BNC2: variants seen among roughly 807,000 people sequenced by gnomAD.
BNC2 encodes basonuclin zinc finger protein 2.
BNC2 carries 20 observed loss-of-function variants against 76.3 expected under a neutral mutation model. The observed-to-expected ratio is 0.26, with a 90% CI of 0.18 to 0.38. The LOEUF (loss-of-function observed/expected upper bound fraction) is 0.38, where lower values mean the gene tolerates loss of function less well. Among genes scored for constraint, BNC2 ranks in the 10% least tolerant of loss-of-function variants. BNC2 has a pLI of 1.00. For synonymous variants in BNC2, 582 were observed against 514.8 expected, an observed-to-expected ratio of 1.13 and a Z score of -1.77; for missense variants, 1,382 against 1,399.8, an observed-to-expected ratio of 0.99 and a Z score of 0.20.
intron 1 of BNC2, among the ~76,000 whole-genome samples, chr9:16,783,290 T>C (rs1826202057): frequency 1.3e-5 from 2 of 152,166 alleles, no homozygotes; most frequent in African/African-American, 2.4e-5. Flanking sequence ...CTGCTCACCA[T>C]AAATCTTAAC....
At chr9:16,625,199 A>T (rs1456168215) in intron 3 of BNC2, among the ~76,000 whole-genome samples, 1 of 152,234 alleles carries the variant, frequency 6.6e-6, no homozygotes, top group Non-Finnish European at 1.5e-5. Context: ...AACAAAAAAA[A>T]TGCTGTGCTT....
chr9:16,620,291 C>T (rs1295356780), intron 3 of BNC2, among the ~76,000 whole-genome samples: 2 of 152,164 alleles, frequency 1.3e-5, no homozygotes, highest in Non-Finnish European at 2.9e-5. Flanking sequence ...AAATATGACC[C>T]TTAAAACTGG....
chr9:16,710,180 C>G (rs182909640), intron 3 of BNC2, among the ~76,000 whole-genome samples: 1 of 152,120 alleles, frequency 6.6e-6, no homozygotes, highest in East Asian at 1.9e-4. Context: ...CCTCCTACAC[C>G]TGGGCACAAA....
intron 3 of BNC2, among the ~76,000 whole-genome samples, chr9:16,724,511 C>G (rs931973960): frequency 2.6e-5 from 4 of 151,952 alleles, no homozygotes; most frequent in African/African-American, 9.7e-5. Context: ...CAGCTATATA[C>G]ATAGAAATAA....
intron 6 of BNC2, chr9:16,431,404 A>C (rs1820905378): frequency 2.2e-6 from 1 of 457,460 alleles, no homozygotes; most frequent in Non-Finnish European, 4.6e-6. Context: ...TACACCCACC[A>C]GCTAATTCTG....
chr9:16,603,210 A>G, intron 3 of BNC2, among the ~76,000 whole-genome samples: 1 of 152,188 alleles, frequency 6.6e-6, no homozygotes, highest in Non-Finnish European at 1.5e-5. Context: ...AAATGTTCAC[A>G]CACTAGCAGA....
intron 1 of BNC2, among the ~76,000 whole-genome samples, chr9:16,776,167 T>C (rs1825961380): frequency 6.6e-6 from 1 of 151,618 alleles, no homozygotes; most frequent in South Asian, 2.1e-4. Context: ...AAGAGGGAGT[T>C]TCGCTCTTGT....
chr9:16,519,369 G>C lies in BNC2; in HGVS notation c.669+33161C>G, dbSNP rs7028335. 4.9e-3 allele frequency among the ~76,000 whole-genome samples: 750 copies of C among 152,350 alleles called. 1 individual carries two copies. Among genetic ancestry groups the C allele is most frequent in the African/African-American group, 0.017 (693 of 41,572 alleles). On this transcript the variant is annotated intron_variant, in intron 5 of 6. Transcript: ENST00000380672. The stretch of plus-strand genomic sequence containing the variant: ...AAAATTCTAACGTAAAGTCCCAAAA[G>C]ATAGGAATTGGAGCTTTTATCTCAA...
At chr9:16,513,004 G>T (rs10119184) in intron 5 of BNC2, among the ~76,000 whole-genome samples, 1 of 151,702 alleles carries the variant, frequency 6.6e-6, no homozygotes, top group East Asian at 2.0e-4. Context: ...GTATTTTGGC[G>T]CATGTTTGTA....
At chr9:16,805,240 C>G (rs1001822584) in intron 1 of BNC2, among the ~76,000 whole-genome samples, 1 of 152,178 alleles carries the variant, frequency 6.6e-6, no homozygotes, top group Admixed American at 6.5e-5. Flanking sequence ...TGCAAGGCTA[C>G]ATAAGCACAG....
At chr9:16,460,946 C>A (rs1256786950) in intron 5 of BNC2, among the ~76,000 whole-genome samples, 1 of 151,710 alleles carries the variant, frequency 6.6e-6, no homozygotes, top group Non-Finnish European at 1.5e-5. Flanking sequence ...AATCTTGATC[C>A]TACATCTAGA....
At chr9:16,779,301 C>CAAAA (rs71327858) in intron 1 of BNC2, among the ~76,000 whole-genome samples, 57 of 105,226 alleles carry the variant, frequency 5.4e-4, no homozygotes, top group African/African-American at 1.8e-3. Flanking sequence ...GACCCTCTCT[C>CAAAA]AAAAAAAAAA....
At chr9:16,640,816 C>A (rs1187838075) in intron 3 of BNC2, among the ~76,000 whole-genome samples, 1 of 152,110 alleles carries the variant, frequency 6.6e-6, no homozygotes, top group African/African-American at 2.4e-5. Flanking sequence ...CAGCTGCAAC[C>A]AAGACCTGGC....
chr9:16,612,384 C>T (rs7854979), intron 3 of BNC2, among the ~76,000 whole-genome samples: 131,509 of 152,206 alleles, frequency 0.86, 57,988 homozygotes, highest in East Asian at 0.98. Flanking sequence ...TCCCCAGCCA[C>T]TTTCTCATAC....
At chr9:16,441,211 G>A (rs1821122157) in intron 5 of BNC2, among the ~76,000 whole-genome samples, 1 of 152,180 alleles carries the variant, frequency 6.6e-6, no homozygotes, top group Non-Finnish European at 1.5e-5. Flanking sequence ...GTTTGAGGTG[G>A]AAGGACTGCT....
Position 16,653,671 on chromosome 9 carries a change from C to T in BNC2, c.331-70586G>A, listed in dbSNP as rs370938914. Reference sequence around the variant, plus strand: ...ATTGGCATATCTTGCCTAGGCTGCTCCTGTGGGGTTCATCTGGTCGGCAGG... The same window carrying T: ...ATTGGCATATCTTGCCTAGGCTGCTTCTGTGGGGTTCATCTGGTCGGCAGG... On this transcript the variant is annotated intron_variant, in intron 3 of 6. Coordinates refer to ENST00000380672, the MANE Select transcript of BNC2 (RefSeq NM_017637.6). 9.2e-5 allele frequency among the ~76,000 whole-genome samples: 14 copies of T among 152,224 alleles called. No homozygotes were observed. The East Asian group carries it at 2.3e-3, about 25-fold the overall frequency.
chr9:16,515,941 A>C (rs1206901394), intron 5 of BNC2, among the ~76,000 whole-genome samples: 1 of 124,620 alleles, frequency 8.0e-6, no homozygotes, highest in Non-Finnish European at 1.8e-5. Context: ...CACTTCCAAA[A>C]GGGAAAAAAA....
intron 1 of BNC2, among the ~76,000 whole-genome samples, chr9:16,840,819 G>A (rs1818806217): frequency 2.0e-5 from 3 of 152,160 alleles, no homozygotes; most frequent in Admixed American, 2.0e-4. Context: ...TCAGAGAAGG[G>A]TTACCACATG....
chr9:16,468,228 A>T (rs1417109369), intron 5 of BNC2, among the ~76,000 whole-genome samples: 1 of 151,410 alleles, frequency 6.6e-6, no homozygotes, highest in Non-Finnish European at 1.5e-5. Context: ...CTTGAGCATC[A>T]CTTTGAATGC....
Sources: gnomAD v4.1 joint callset for allele counts (sites outside exome capture counted in the v4.1 genomes callset) on GRCh38, gnomAD v4.1.1 for gene constraint, MANE v1.5 for transcripts, NCBI Gene and HGNC (gene_info 2026-07-23, HGNC 2026-07-21) for gene names.